The following SLC24A2 variants were observed in gnomAD, a reference collection of about 807,000 sequenced individuals.
SLC24A2 encodes the protein sodium/potassium/calcium exchanger 2.
A neutral mutation model predicts 62.0 loss-of-function variants in SLC24A2; 36 were observed. The observed-to-expected ratio is 0.58, with a 90% CI of 0.44 to 0.77. The LOEUF is 0.77. Ranked by LOEUF, SLC24A2 falls within the 30% of genes least tolerant of loss-of-function variation. SLC24A2 has a pLI of 0.00. For synonymous variants in SLC24A2, 358 were observed against 294.0 expected, an observed-to-expected ratio of 1.22 and a Z score of -2.23; for missense variants, 846 against 817.9, an observed-to-expected ratio of 1.03 and a Z score of -0.42.
intron 2 of SLC24A2, among the ~76,000 whole-genome samples, chr9:19,764,992 T>C (rs1417408285): frequency 6.6e-6 from 1 of 152,230 alleles, no homozygotes; most frequent in Non-Finnish European, 1.5e-5. Flanking sequence ...GTTGGGTGCA[T>C]ATATATTTAG....
intron 2 of SLC24A2, among the ~76,000 whole-genome samples, chr9:19,768,694 A>G (rs1193158789): frequency 6.6e-6 from 1 of 152,184 alleles, no homozygotes; most frequent in Non-Finnish European, 1.5e-5. Context: ...ACTTAAACTC[A>G]TGAATTGTTT....
At position 19,636,322 on chromosome 9, in the gene SLC24A2, T is replaced by TTCTTTTCTTTTCTTTTCTTTTCTTTTC. The variant is rs376017966; in HGVS notation, c.931-14024_931-14023insGAAAAGAAAAGAAAAGAAAAGAAAAGA. Among the ~76,000 whole-genome samples, 151 of 30,502 alleles carry TTCTTTTCTTTTCTTTTCTTTTCTTTTC rather than the reference T, an allele frequency of 5.0e-3. 6 individuals are homozygous for TTCTTTTCTTTTCTTTTCTTTTCTTTTC. Among genetic ancestry groups the TTCTTTTCTTTTCTTTTCTTTTCTTTTC allele is most frequent in the Non-Finnish European group, 7.0e-3 (102 of 14,490 alleles). 20.0% of individuals were successfully genotyped at this position (30,502 alleles called of 152,430 possible). A position where few individuals can be genotyped will look rare whatever the true frequency, so the allele number is the denominator to read the frequency against. On this transcript the variant is annotated intron_variant, in intron 2 of 10. Coordinates refer to ENST00000341998, the MANE Select transcript of SLC24A2 (RefSeq NM_020344.4). ...TTCTTTTCTTTTCTTTTCTTTTCTTTCTTTCTTTCTTTCTTTCTTTCTTTC... is the reference window on the plus strand; with the variant it reads ...TTCTTTTCTTTTCTTTTCTTTTCTTTTCTTTTCTTTTCTTTTCTTTTCTTTTCCTTTCTTTCTTTCTTTCTTTCTTTC...
At chr9:20,221,942 G>A in the SLC24A2 span, among the ~76,000 whole-genome samples, 1 of 151,826 alleles carries the variant, frequency 6.6e-6, no homozygotes, top group Non-Finnish European at 1.5e-5. Flanking sequence ...GAAGAAAAGT[G>A]AACCCAGAAA....
At chr9:20,058,340 C>T in the SLC24A2 span, among the ~76,000 whole-genome samples, 9 of 152,178 alleles carry the variant, frequency 5.9e-5, no homozygotes, top group South Asian at 1.7e-3. Flanking sequence ...AAACATAACC[C>T]TAATTTATAA....
chr9:19,522,474 T>C (rs1833248102), intron 9 of SLC24A2, among the ~76,000 whole-genome samples: 1 of 152,204 alleles, frequency 6.6e-6, no homozygotes, highest in African/African-American at 2.4e-5. Flanking sequence ...TTTTAGGGAA[T>C]AGAATACACT....
At chr9:19,693,581 A>G (rs1043188433) in intron 2 of SLC24A2, among the ~76,000 whole-genome samples, 1 of 152,094 alleles carries the variant, frequency 6.6e-6, no homozygotes, top group African/African-American at 2.4e-5. Flanking sequence ...AGATTTAAAA[A>G]CGGTGTTTTT....
At chr9:20,034,342 C>G in the SLC24A2 span, among the ~76,000 whole-genome samples, 1 of 151,714 alleles carries the variant, frequency 6.6e-6, no homozygotes, top group African/African-American at 2.4e-5. Context: ...TGAAACACCT[C>G]TCTGTGGTAC....
At chr9:20,132,099 G>A in the SLC24A2 span, among the ~76,000 whole-genome samples, 4 of 151,964 alleles carry the variant, frequency 2.6e-5, no homozygotes, top group African/African-American at 7.3e-5. Flanking sequence ...GCGTCCTCAT[G>A]AGGCAAACCC....
chr9:19,763,926 T>G (rs1822427820), intron 2 of SLC24A2, among the ~76,000 whole-genome samples: 1 of 152,204 alleles, frequency 6.6e-6, no homozygotes, highest in African/African-American at 2.4e-5. Context: ...AATTTGGCTG[T>G]GAATCCATCT....
the SLC24A2 span, among the ~76,000 whole-genome samples, chr9:20,140,511 A>T: frequency 6.6e-6 from 1 of 152,138 alleles, no homozygotes; most frequent in Non-Finnish European, 1.5e-5. Flanking sequence ...AGACCATTGT[A>T]TTTACAGCTA....
intron 8 of SLC24A2, among the ~76,000 whole-genome samples, chr9:19,534,571 T>C (rs1194281916): frequency 1.3e-5 from 2 of 151,570 alleles, no homozygotes; most frequent in Non-Finnish European, 1.5e-5. Context: ...TGTTATCTCA[T>C]TGTTCAACTC....
At chr9:20,250,688 T>G in the SLC24A2 span, among the ~76,000 whole-genome samples, 2 of 152,288 alleles carry the variant, frequency 1.3e-5, no homozygotes, top group East Asian at 3.9e-4. Flanking sequence ...CAGCTAACGT[T>G]TTACTATGTT....
At chr9:19,837,307 C>A in the SLC24A2 span, among the ~76,000 whole-genome samples, 5 of 150,690 alleles carry the variant, frequency 3.3e-5, no homozygotes, top group Non-Finnish European at 7.4e-5. Flanking sequence ...AAAAAATTAG[C>A]CGGGTGCGGT....
At chr9:20,205,671 A>C in the SLC24A2 span, among the ~76,000 whole-genome samples, 149 of 147,204 alleles carry the variant, frequency 1.0e-3, 1 homozygote, top group African/African-American at 2.7e-3. Context: ...AAAAAAAAAA[A>C]AAACAAACAA....
intron 2 of SLC24A2, among the ~76,000 whole-genome samples, chr9:19,715,125 C>A (rs1455804805): frequency 6.6e-6 from 1 of 152,068 alleles, no homozygotes; most frequent in Non-Finnish European, 1.5e-5. Context: ...ACACCTGATG[C>A]CAGACTACAT....
the SLC24A2 span, among the ~76,000 whole-genome samples, chr9:20,269,439 T>G: frequency 6.6e-6 from 1 of 152,162 alleles, no homozygotes; most frequent in Non-Finnish European, 1.5e-5. Context: ...TCTCCTGAAC[T>G]TCCTTTCATT....
chr9:19,837,614 A>G, the SLC24A2 span, among the ~76,000 whole-genome samples: 1 of 152,040 alleles, frequency 6.6e-6, no homozygotes, highest in African/African-American at 2.4e-5. Context: ...ATTAGGAAAA[A>G]AGGAAGTCAA....
At chr9:19,769,636 T>C (rs1278531464) in intron 2 of SLC24A2, among the ~76,000 whole-genome samples, 1 of 152,262 alleles carries the variant, frequency 6.6e-6, no homozygotes, top group Non-Finnish European at 1.5e-5. Context: ...TTACTGCCAC[T>C]GACTGTGTTA....
intron 4 of SLC24A2, among the ~76,000 whole-genome samples, chr9:19,608,816 A>G (rs1370181240): frequency 6.6e-6 from 1 of 152,000 alleles, no homozygotes; most frequent in African/African-American, 2.4e-5. Flanking sequence ...ACACACACGC[A>G]TAGACACTCG....
Sources: allele counts gnomAD v4.1 joint callset (sites outside exome capture counted in the v4.1 genomes callset), GRCh38; gene constraint gnomAD v4.1.1; transcripts MANE v1.5; gene names NCBI Gene and HGNC (gene_info 2026-07-23, HGNC 2026-07-21).